Variants in BAIAP2L1 observed in about 807,000 individuals in gnomAD.
BAIAP2L1 encodes the protein BAR/IMD domain-containing adapter protein 2-like 1.
A neutral mutation model predicts 66.3 loss-of-function variants in BAIAP2L1; 35 were observed. That is an observed-to-expected ratio of 0.53 (90% CI 0.40 to 0.70). The LOEUF (loss-of-function observed/expected upper bound fraction) is 0.70, where lower values mean the gene tolerates loss of function less well. BAIAP2L1 is among the 30% of genes least tolerant of loss of function. The pLI, the probability that BAIAP2L1 is intolerant of heterozygous loss-of-function variation, is 0.00. For missense variants in BAIAP2L1, 622 were observed against 656.9 expected, an observed-to-expected ratio of 0.95 and a Z score of 0.58; for synonymous variants, 269 against 248.7, an observed-to-expected ratio of 1.08 and a Z score of -0.77.
In BAIAP2L1 at chr7:98,315,602, G is replaced by A. The variant is rs746950122; in HGVS notation, c.497C>T (p.Thr166Ile). 8.0e-6 allele frequency: 11 copies of A among 1,378,608 alleles called. No individual in the cohort carries two copies. In the South Asian group the frequency reaches 1.5e-4, roughly 19 times the overall value. The allele number at this position is 1,378,608 out of a possible 1,614,324, so 85.4% of individuals were successfully genotyped here. The stretch of plus-strand genomic sequence containing the variant: ...GATTTCACTCTGACGAGAAGTAACG[G>A]TCTCCACATACTAAAAAAAAAAAAA... Reference protein sequence around the residue: ...YEHKEIEYVETVTSRQSEIQK... With the variant: ...YEHKEIEYVEIVTSRQSEIQK... The change falls in exon 7 of 14, where the codon ACC becomes ATC. Residue 166 changes from threonine (T) to isoleucine (I), a missense_variant. Transcript: ENST00000005260.
intron 3 of BAIAP2L1, among the ~76,000 whole-genome samples, chr7:98,329,957 C>T (rs1311423401): frequency 6.6e-6 from 1 of 152,166 alleles, no homozygotes; most frequent in Non-Finnish European, 1.5e-5. Context: ...AAGACAACAG[C>T]AGCGAGAAAA....
At chr7:98,337,236 T>TC (rs1801635576) in intron 3 of BAIAP2L1, among the ~76,000 whole-genome samples, 2 of 106,978 alleles carry the variant, frequency 1.9e-5, no homozygotes, top group South Asian at 4.9e-4. Flanking sequence ...TCAGATACCA[T>TC]TTTTTTTTTT....
chr7:98,294,008 T>C, intron 13 of BAIAP2L1, 66 bp downstream of exon 13: 1 of 1,564,840 alleles, frequency 6.4e-7, no homozygotes, highest in Non-Finnish European at 8.8e-7. Context: ...CCGAAGGCCC[T>C]TCCGGGGGAC....
chr7:98,370,882 T>C (rs1413607185), intron 1 of BAIAP2L1, among the ~76,000 whole-genome samples: 3 of 152,156 alleles, frequency 2.0e-5, no homozygotes, highest in Non-Finnish European at 4.4e-5. Flanking sequence ...ACATGTTATT[T>C]TTAAACCCAG....
intron 3 of BAIAP2L1, 73 bp from the exon 4 acceptor site, chr7:98,320,371 T>G (rs1213476593): frequency 8.2e-7 from 1 of 1,222,288 alleles, no homozygotes; most frequent in Non-Finnish European, 1.2e-6. Context: ...GTTTTTGCTC[T>G]GTCGCCCAGG....
chr7:98,301,885 C>T (rs965559863), intron 12 of BAIAP2L1, among the ~76,000 whole-genome samples: 9 of 152,076 alleles, frequency 5.9e-5, no homozygotes, highest in Admixed American at 2.6e-4. Flanking sequence ...GGGCCAGCTG[C>T]GCTGGTGGAG....
At chr7:98,330,887 T>C (rs900344601) in intron 3 of BAIAP2L1, among the ~76,000 whole-genome samples, 7 of 152,064 alleles carry the variant, frequency 4.6e-5, no homozygotes, top group Non-Finnish European at 1.0e-4. Flanking sequence ...AGAACTCACT[T>C]ATTACTGCAA....
At chr7:98,339,309 C>G (rs1455974184) in intron 3 of BAIAP2L1, among the ~76,000 whole-genome samples, 2 of 152,160 alleles carry the variant, frequency 1.3e-5, no homozygotes, top group Admixed American at 6.6e-5. Context: ...TGTGGCCACT[C>G]TATTGGGTGT....
At chr7:98,294,053 C>T (rs751704840) in intron 13 of BAIAP2L1, 21 bp downstream of exon 13, 3 of 1,613,230 alleles carry the variant, frequency 1.9e-6, no homozygotes, top group South Asian at 1.1e-5. Context: ...CACTGAGGCT[C>T]ACGTAGGAAG....
At chr7:98,363,550 A>AT (rs1323172901) in intron 1 of BAIAP2L1, among the ~76,000 whole-genome samples, 1 of 152,212 alleles carries the variant, frequency 6.6e-6, no homozygotes, top group Non-Finnish European at 1.5e-5. Flanking sequence ...TATAAGACAA[A>AT]TAACTATTTA....
intron 9 of BAIAP2L1, 31 bp downstream of exon 9, chr7:98,310,414 A>G: frequency 1.3e-6 from 2 of 1,562,182 alleles, no homozygotes; most frequent in East Asian, 2.3e-5. Flanking sequence ...TGTAAAAGGT[A>G]TCTTCAAATA....
At chr7:98,339,038 A>C (rs1584468343) in intron 3 of BAIAP2L1, among the ~76,000 whole-genome samples, 1 of 148,144 alleles carries the variant, frequency 6.8e-6, no homozygotes, top group South Asian at 2.1e-4. Flanking sequence ...GTACCATTGC[A>C]CTCCAGCCTG....
At chr7:98,297,082 G>T (rs1465819382) in intron 12 of BAIAP2L1, among the ~76,000 whole-genome samples, 3 of 152,226 alleles carry the variant, frequency 2.0e-5, no homozygotes, top group Non-Finnish European at 4.4e-5. Flanking sequence ...GACCACTAAG[G>T]CCACGAAACC....
intron 12 of BAIAP2L1, among the ~76,000 whole-genome samples, chr7:98,295,299 T>G (rs1046991211): frequency 6.6e-6 from 1 of 152,088 alleles, no homozygotes; most frequent in African/African-American, 2.4e-5. Context: ...TGTCCCACCC[T>G]CCCCAGATCC....
At chr7:98,352,088 T>TC (rs1802013175) in intron 3 of BAIAP2L1, among the ~76,000 whole-genome samples, 1 of 151,838 alleles carries the variant, frequency 6.6e-6, no homozygotes, top group Non-Finnish European at 1.5e-5. Context: ...GGTCTTTTTT[T>TC]TTTTCTATGA....
chr7:98,370,154 C>A (rs1802478268), intron 1 of BAIAP2L1, among the ~76,000 whole-genome samples: 1 of 151,884 alleles, frequency 6.6e-6, no homozygotes, highest in African/African-American at 2.4e-5. Context: ...GGCGCAGTGG[C>A]TCACAAGGTC....
rs577575937 is a variant in BAIAP2L1 at position 98,383,432 on chromosome 7, C to T, written c.51+17370G>A. On this transcript the variant is annotated intron_variant, in intron 1 of 13. Coordinates refer to ENST00000005260, the MANE Select transcript of BAIAP2L1 (RefSeq NM_018842.5). ...CCGAGCAGCTGGGATTCCAGGCATGCGCCACCACGCTTGGCTAATTATTTT... is the reference window on the plus strand; with the variant it reads ...CCGAGCAGCTGGGATTCCAGGCATGTGCCACCACGCTTGGCTAATTATTTT... Among the ~76,000 whole-genome samples the T allele has an allele frequency of 1.4e-3, 210 of 151,898 alleles. 1 individual carries two copies. The highest frequency in any genetic ancestry group is 4.7e-3 in the African/African-American group (197 of 41,492).
intron 3 of BAIAP2L1, among the ~76,000 whole-genome samples, chr7:98,339,590 C>A (rs1481801878): frequency 1.3e-5 from 2 of 152,214 alleles, no homozygotes; most frequent in East Asian, 1.9e-4. Context: ...ATGCGGCTGG[C>A]GTGGCCAGGC....
At chr7:98,355,341 T>C in intron 2 of BAIAP2L1, 2 of 574,764 alleles carry the variant, frequency 3.5e-6, no homozygotes, top group Non-Finnish European at 6.3e-6. Context: ...TCCTCGTCTC[T>C]GACCAGCCCC....
Sources: allele counts gnomAD v4.1 joint callset (sites outside exome capture counted in the v4.1 genomes callset), GRCh38; gene constraint gnomAD v4.1.1; transcripts MANE v1.5; gene names NCBI Gene and HGNC (gene_info 2026-07-23, HGNC 2026-07-21).